Variants in PXDNL observed in about 807,000 individuals in gnomAD.
PXDNL encodes peroxidasin like.
In PXDNL, 145 loss-of-function variants were observed where a neutral mutation model predicts 150.8. The ratio of observed to expected loss-of-function variants is 0.96; its 90% CI spans 0.84 to 1.10. The LOEUF is 1.10. Among genes scored for constraint, PXDNL ranks in the 50% least tolerant of loss-of-function variants. The pLI is 0.00. For synonymous variants in PXDNL, 757 were observed against 725.7 expected (o/e 1.04, Z -0.69); for missense variants, 2,087 against 1,873.9 (o/e 1.11, Z -2.10).
At chr8:51,713,496 T>C (rs948461500) in intron 1 of PXDNL, among the ~76,000 whole-genome samples, 7 of 152,202 alleles carry the variant, frequency 4.6e-5, no homozygotes, top group Non-Finnish European at 8.8e-5. Context: ...CCCAGTTGAA[T>C]AGGCAAGGCT....
intron 4 of PXDNL, among the ~76,000 whole-genome samples, chr8:51,550,736 A>T (rs1343934899): frequency 2.6e-5 from 4 of 151,576 alleles, no homozygotes; most frequent in African/African-American, 9.7e-5. Flanking sequence ...TACTGAAAGC[A>T]CTACCCCTGA....
At chr8:51,754,148 C>G (rs576653141) in intron 1 of PXDNL, among the ~76,000 whole-genome samples, 311 of 152,216 alleles carry the variant, frequency 2.0e-3, no homozygotes, top group Non-Finnish European at 3.2e-3. Context: ...CTTTCAAAGC[C>G]CGATGCAACA....
intron 17 of PXDNL, among the ~76,000 whole-genome samples, chr8:51,397,134 C>A (rs1267893305): frequency 6.6e-6 from 1 of 152,192 alleles, no homozygotes; most frequent in Non-Finnish European, 1.5e-5. Context: ...TAGTTTACTG[C>A]TGTTCTTAAA....
intron 19 of PXDNL, among the ~76,000 whole-genome samples, chr8:51,357,127 A>G (rs1319726387): frequency 1.3e-5 from 2 of 152,268 alleles, no homozygotes; most frequent in Non-Finnish European, 2.9e-5. Flanking sequence ...GACAACAAGC[A>G]ACATAATCTT....
intron 1 of PXDNL, among the ~76,000 whole-genome samples, chr8:51,764,461 G>T (rs2037203488): frequency 6.7e-6 from 1 of 148,478 alleles, no homozygotes; most frequent in Non-Finnish European, 1.5e-5. Flanking sequence ...ATATCTCTCT[G>T]GCCATGACTG....
At chr8:51,510,666 G>A (rs1019313563) in intron 4 of PXDNL, among the ~76,000 whole-genome samples, 3 of 152,116 alleles carry the variant, frequency 2.0e-5, no homozygotes, top group Admixed American at 6.5e-5. Flanking sequence ...AAGAAGCCCA[G>A]GAGACCTGAG....
At chr8:51,438,855 A>G (rs1316273076) in intron 12 of PXDNL, among the ~76,000 whole-genome samples, 1 of 152,236 alleles carries the variant, frequency 6.6e-6, no homozygotes, top group Non-Finnish European at 1.5e-5. Flanking sequence ...TGGTGCTGGG[A>G]TAATTGGCAA....
intron 1 of PXDNL, among the ~76,000 whole-genome samples, chr8:51,665,647 A>G (rs1352697440): frequency 6.6e-6 from 1 of 152,240 alleles, no homozygotes; most frequent in East Asian, 1.9e-4. Context: ...TGAATCACTT[A>G]TGGCTCATAA....
At chr8:51,576,207 A>C (rs1052906788) in intron 3 of PXDNL, among the ~76,000 whole-genome samples, 5 of 150,924 alleles carry the variant, frequency 3.3e-5, no homozygotes, top group African/African-American at 1.2e-4. Flanking sequence ...CCAAAAAAAA[A>C]AAAAAAACAA....
At chr8:51,783,432 T>C (rs2037433671) in intron 1 of PXDNL, among the ~76,000 whole-genome samples, 1 of 152,204 alleles carries the variant, frequency 6.6e-6, no homozygotes, top group South Asian at 2.1e-4. Context: ...AGAATGGAAA[T>C]TGAATAACTT....
At chr8:51,695,474 A>ACACACACG (rs998092380) in intron 1 of PXDNL, among the ~76,000 whole-genome samples, 3 of 151,948 alleles carry the variant, frequency 2.0e-5, no homozygotes, top group African/African-American at 7.3e-5. Context: ...GTGCTACAAC[A>ACACACACG]CACACACGCA....
At chr8:51,465,247 A>C (rs1204740291) in intron 8 of PXDNL, among the ~76,000 whole-genome samples, 2 of 152,206 alleles carry the variant, frequency 1.3e-5, no homozygotes, top group Admixed American at 6.5e-5. Context: ...AGTTGTTTCA[A>C]CATATGCAAA....
chr8:51,325,809 A>G (rs188895700), intron 21 of PXDNL, among the ~76,000 whole-genome samples: 1 of 152,200 alleles, frequency 6.6e-6, no homozygotes, highest in South Asian at 2.1e-4. Flanking sequence ...TAGGTGCCTC[A>G]GTATACCCTG....
At chr8:51,538,465 C>A (rs1812135663) in intron 4 of PXDNL, among the ~76,000 whole-genome samples, 1 of 151,444 alleles carries the variant, frequency 6.6e-6, no homozygotes, top group African/African-American at 2.4e-5. Flanking sequence ...AGAATGTGAA[C>A]AATTTTTAAA....
At chr8:51,721,345 T>C (rs1156438440) in intron 1 of PXDNL, among the ~76,000 whole-genome samples, 2 of 152,236 alleles carry the variant, frequency 1.3e-5, no homozygotes, top group Admixed American at 6.5e-5. Context: ...AAGAATGAAT[T>C]GTGTATAAAC....
At chr8:51,673,254 A>G (rs1044839513) in intron 1 of PXDNL, among the ~76,000 whole-genome samples, 5 of 152,164 alleles carry the variant, frequency 3.3e-5, no homozygotes, top group African/African-American at 9.7e-5. Flanking sequence ...CCAGAGTTCA[A>G]TTACAATTTT....
chr8:51,506,490 G>A (rs1201066751), intron 4 of PXDNL, among the ~76,000 whole-genome samples: 15 of 129,600 alleles, frequency 1.2e-4, no homozygotes, highest in Non-Finnish European at 1.4e-4. Context: ...GCAGTGAGCC[G>A]AGATCGCACC....
chr8:51,801,106 A>C (rs1348651859), intron 1 of PXDNL, among the ~76,000 whole-genome samples: 1 of 152,196 alleles, frequency 6.6e-6, no homozygotes, highest in African/African-American at 2.4e-5. Context: ...TCTCCTAGCA[A>C]GGAATATTAA....
intron 4 of PXDNL, among the ~76,000 whole-genome samples, chr8:51,523,131 A>C (rs1811696775): frequency 6.6e-6 from 1 of 152,202 alleles, no homozygotes. Context: ...GTTTAAGAAA[A>C]ACAGAGCGTA....
Sources: allele counts gnomAD v4.1 joint callset (sites outside exome capture counted in the v4.1 genomes callset), GRCh38; gene constraint gnomAD v4.1.1; transcripts MANE v1.5; gene names NCBI Gene and HGNC (gene_info 2026-07-23, HGNC 2026-07-21).